Variants in GRID2 observed in about 807,000 individuals in gnomAD.
GRID2 encodes the protein glutamate ionotropic receptor delta type subunit 2.
Under a neutral mutation model 114.8 loss-of-function variants are expected in GRID2, and 33 were observed. The ratio of observed to expected loss-of-function variants is 0.29; its 90% CI spans 0.22 to 0.38. The LOEUF is 0.38. GRID2 is among the 10% of genes least tolerant of loss of function. The probability of loss-of-function intolerance (pLI) is 1.00; values close to 1 mark genes in which losing one functional copy is unlikely to be tolerated. For synonymous variants in GRID2, 505 were observed against 449.9 expected, an observed-to-expected ratio of 1.12 and a Z score of -1.55; for missense variants, 1,184 against 1,257.7, an observed-to-expected ratio of 0.94 and a Z score of 0.89.
At chr4:93,019,077 T>G (rs1016168760) in intron 2 of GRID2, among the ~76,000 whole-genome samples, 2 of 152,274 alleles carry the variant, frequency 1.3e-5, no homozygotes, top group Admixed American at 1.3e-4. Context: ...GAAATAGCAC[T>G]GCAGTGTTCA....
chr4:93,073,109 C>T (rs1435935301), intron 2 of GRID2, among the ~76,000 whole-genome samples: 1 of 152,090 alleles, frequency 6.6e-6, no homozygotes, highest in African/African-American at 2.4e-5. Context: ...TAGTTTTCAC[C>T]AAGTTTAGTG....
At chr4:93,159,823 C>A (rs1201923398) in intron 4 of GRID2, among the ~76,000 whole-genome samples, 1 of 150,022 alleles carries the variant, frequency 6.7e-6, no homozygotes, top group East Asian at 2.0e-4. Context: ...TTTTGAGTTA[C>A]AAAGACAAGA....
chr4:93,538,117 G>A (rs1732283654), intron 13 of GRID2, among the ~76,000 whole-genome samples: 1 of 151,648 alleles, frequency 6.6e-6, no homozygotes, highest in African/African-American at 2.4e-5. Flanking sequence ...TCTGAACACT[G>A]TTCTTTAATA....
intron 2 of GRID2, among the ~76,000 whole-genome samples, chr4:92,960,644 G>A (rs1427832621): frequency 1.3e-5 from 2 of 151,842 alleles, no homozygotes; most frequent in East Asian, 3.9e-4. Context: ...TTTAGGGTAA[G>A]TTTCTTGCAG....
At chr4:92,911,168 C>T (rs1748349986) in intron 2 of GRID2, among the ~76,000 whole-genome samples, 1 of 151,932 alleles carries the variant, frequency 6.6e-6, no homozygotes, top group Non-Finnish European at 1.5e-5. Context: ...ATGTGCCGAA[C>T]AGTGCTAACT....
At chr4:92,502,736 T>A (rs1486255119) in intron 1 of GRID2, among the ~76,000 whole-genome samples, 1 of 121,238 alleles carries the variant, frequency 8.2e-6, no homozygotes, top group African/African-American at 3.0e-5. Context: ...TTTTTTTTCC[T>A]ATACGAAGTC....
At chr4:92,937,936 T>C (rs1005336327) in intron 2 of GRID2, among the ~76,000 whole-genome samples, 1 of 146,818 alleles carries the variant, frequency 6.8e-6, no homozygotes. Flanking sequence ...TCTAAGTAGA[T>C]AGGTTTCAAT....
intron 8 of GRID2, among the ~76,000 whole-genome samples, chr4:93,281,336 G>A (rs1579530968): frequency 1.3e-5 from 2 of 151,996 alleles, no homozygotes; most frequent in African/African-American, 4.8e-5. Context: ...CTTGAGTAAC[G>A]AAGACAAGGA....
intron 14 of GRID2, among the ~76,000 whole-genome samples, chr4:93,702,105 T>C (rs1727563929): frequency 6.6e-6 from 1 of 152,118 alleles, no homozygotes; most frequent in East Asian, 1.9e-4. Flanking sequence ...AAATCGACTC[T>C]TGTGTCTCCA....
At chr4:93,737,854 C>T (rs2110243105) in intron 14 of GRID2, among the ~76,000 whole-genome samples, 1 of 152,224 alleles carries the variant, frequency 6.6e-6, no homozygotes, top group South Asian at 2.1e-4. Context: ...CAACCCAAAG[C>T]AAAGAAACTT....
intron 2 of GRID2, among the ~76,000 whole-genome samples, chr4:92,655,426 C>A (rs958785442): frequency 5.9e-5 from 9 of 151,598 alleles, no homozygotes; most frequent in African/African-American, 2.2e-4. Flanking sequence ...TGAAAAATAA[C>A]TTTTGTGTTT....
intron 2 of GRID2, among the ~76,000 whole-genome samples, chr4:93,011,615 A>G (rs943256560): frequency 3.3e-5 from 5 of 152,148 alleles, no homozygotes; most frequent in African/African-American, 1.2e-4. Flanking sequence ...GGAAATGGGA[A>G]AAGAGACCAA....
At chr4:93,788,316 C>CAAAA (rs78420940) in intron 1 of GRID2, among the ~76,000 whole-genome samples, 1 of 143,324 alleles carries the variant, frequency 7.0e-6, no homozygotes. Flanking sequence ...AGACTCCGCT[C>CAAAA]AAAAAAAAAA....
At chr4:93,115,092 TTG>T (rs546827152) in intron 4 of GRID2, among the ~76,000 whole-genome samples, 3,736 of 142,028 alleles carry the variant, frequency 0.026, 44 homozygotes, top group African/African-American at 0.029. Flanking sequence ...CTGTGTGTGC[TTG>T]TGTGTGTGTG....
At chr4:93,809,508 G>C (rs1295805842) in exon 2 of GRID2, 1 of 152,156 alleles carries the variant, frequency 6.6e-6, no homozygotes, top group Non-Finnish European at 1.5e-5. Context: ...CGAATAGAAT[G>C]GTGACTATGT....
chr4:93,627,151 G>A (rs1053109209), intron 14 of GRID2, among the ~76,000 whole-genome samples: 2 of 152,016 alleles, frequency 1.3e-5, no homozygotes, highest in Non-Finnish European at 1.5e-5. Context: ...AACAAGCTTG[G>A]ACCTAAGACA....
chr4:92,872,731 G>T (rs944167941), intron 2 of GRID2, among the ~76,000 whole-genome samples: 1 of 152,174 alleles, frequency 6.6e-6, no homozygotes, highest in Non-Finnish European at 1.5e-5. Context: ...CCAGCAATGA[G>T]ACATGCTGGC....
intron 8 of GRID2, among the ~76,000 whole-genome samples, chr4:93,347,932 C>A (rs534486869): frequency 9.8e-4 from 149 of 152,172 alleles, no homozygotes; most frequent in African/African-American, 3.2e-3. Flanking sequence ...TTTCTAATAT[C>A]TGTGTCTCTA....
At chr4:93,405,151 A>G (rs1766284764) in intron 9 of GRID2, among the ~76,000 whole-genome samples, 2 of 152,130 alleles carry the variant, frequency 1.3e-5, no homozygotes, top group Non-Finnish European at 2.9e-5. Flanking sequence ...TGTTGTGTAC[A>G]TATTTTGTTT....
Sources: gnomAD v4.1 joint callset for allele counts (sites outside exome capture counted in the v4.1 genomes callset) on GRCh38, gnomAD v4.1.1 for gene constraint, MANE v1.5 for transcripts, NCBI Gene and HGNC (gene_info 2026-07-23, HGNC 2026-07-21) for gene names.